PDE1A: variants seen among roughly 807,000 people sequenced by gnomAD.
The protein encoded by PDE1A is dual specificity calcium/calmodulin-dependent 3',5'-cyclic nucleotide phosphodiesterase 1A.
PDE1A carries 35 observed loss-of-function variants against 61.7 expected under a neutral mutation model. That is an observed-to-expected ratio of 0.57 (90% confidence interval 0.43 to 0.75). The LOEUF is 0.75. Ranked by LOEUF, PDE1A falls within the 30% of genes least tolerant of loss-of-function variation. The pLI is 0.00. For missense variants in PDE1A, 597 were observed against 630.6 expected (o/e 0.95, Z 0.57); for synonymous variants, 232 against 213.2 (o/e 1.09, Z -0.77).
chr2:182,607,732 T>C, the PDE1A span, among the ~76,000 whole-genome samples: 4 of 152,230 alleles, frequency 2.6e-5, no homozygotes, highest in African/African-American at 9.6e-5. Context: ...AGGTTCATAT[T>C]ACAGGATGAG....
intron 2 of PDE1A, among the ~76,000 whole-genome samples, chr2:182,490,354 G>T (rs993693685): frequency 1.3e-5 from 2 of 152,112 alleles, no homozygotes; most frequent in East Asian, 3.9e-4. Context: ...TAGGTTAAAA[G>T]ATTTTAATTT....
chr2:182,356,722 A>G (rs1294985345), intron 1 of PDE1A, among the ~76,000 whole-genome samples: 1 of 152,188 alleles, frequency 6.6e-6, no homozygotes, highest in Non-Finnish European at 1.5e-5. Context: ...CGATAGAGTG[A>G]GACTGCCTCA....
intron 1 of PDE1A, among the ~76,000 whole-genome samples, chr2:182,307,468 T>C (rs1304037714): frequency 6.6e-6 from 1 of 152,148 alleles, no homozygotes; most frequent in Non-Finnish European, 1.5e-5. Context: ...CCTTGACCGA[T>C]CCCAGCCTCT....
chr2:182,715,942 C>G, the PDE1A span: 1 of 152,220 alleles, frequency 6.6e-6, no homozygotes, highest in Non-Finnish European at 1.5e-5. Flanking sequence ...GAACTCAACC[C>G]CAAAACCCAC....
chr2:182,297,754 C>T (rs1439941942), intron 1 of PDE1A, among the ~76,000 whole-genome samples: 1 of 152,214 alleles, frequency 6.6e-6, no homozygotes, highest in Non-Finnish European at 1.5e-5. Context: ...TCTGCCTATG[C>T]ATGTGCCTAT....
At chr2:182,563,948 C>G in the PDE1A span, among the ~76,000 whole-genome samples, 1 of 152,102 alleles carries the variant, frequency 6.6e-6, no homozygotes, top group African/African-American at 2.4e-5. Flanking sequence ...CTGTGTGTGT[C>G]TCTGCACGTG....
chr2:182,428,435 A>G (rs1434178362), upstream of PDE1A, among the ~76,000 whole-genome samples: 1 of 152,112 alleles, frequency 6.6e-6, no homozygotes, highest in Non-Finnish European at 1.5e-5. Flanking sequence ...GCTATAAATA[A>G]AAAGATGATT....
intron 13 of PDE1A, among the ~76,000 whole-genome samples, chr2:182,184,477 CA>C (rs1489197679): frequency 6.6e-6 from 1 of 151,994 alleles, no homozygotes; most frequent in African/African-American, 2.4e-5. Context: ...AATTCTAAAT[CA>C]AGTAAAATTA....
chr2:182,684,660 C>T, the PDE1A span, among the ~76,000 whole-genome samples: 2 of 152,274 alleles, frequency 1.3e-5, no homozygotes, highest in Admixed American at 1.3e-4. Flanking sequence ...AAGTGATTCT[C>T]TTGCCTCAGC....
upstream of PDE1A, among the ~76,000 whole-genome samples, chr2:182,523,432 C>G (rs989491332): frequency 6.6e-6 from 1 of 152,064 alleles, no homozygotes; most frequent in Non-Finnish European, 1.5e-5. Flanking sequence ...TAACACATGG[C>G]GAGCTTTCTT....
At chr2:182,489,272 T>C (rs1325577510) in intron 2 of PDE1A, among the ~76,000 whole-genome samples, 2 of 151,832 alleles carry the variant, frequency 1.3e-5, no homozygotes, top group African/African-American at 4.8e-5. Context: ...AGCCAGTGTG[T>C]GAGAAAAGAA....
the PDE1A span, among the ~76,000 whole-genome samples, chr2:182,649,270 G>C: frequency 6.6e-6 from 1 of 152,170 alleles, no homozygotes; most frequent in Non-Finnish European, 1.5e-5. Flanking sequence ...TGCAACATAA[G>C]TTATTAGCAC....
chr2:182,661,563 T>A, the PDE1A span, among the ~76,000 whole-genome samples: 71,987 of 151,896 alleles, frequency 0.47, 17,594 homozygotes, highest in South Asian at 0.53. Flanking sequence ...CTAGAGGTTG[T>A]CCTAACCATG....
At chr2:182,681,947 A>G in the PDE1A span, among the ~76,000 whole-genome samples, 1 of 151,914 alleles carries the variant, frequency 6.6e-6, no homozygotes, top group Non-Finnish European at 1.5e-5. Flanking sequence ...TGCCCGGCCT[A>G]CTCTTTCTCT....
At chr2:182,601,574 G>C in the PDE1A span, among the ~76,000 whole-genome samples, 1 of 151,998 alleles carries the variant, frequency 6.6e-6, no homozygotes, top group South Asian at 2.1e-4. Flanking sequence ...GGAAGAATGA[G>C]GCACACAGAC....
chr2:182,696,584 A>G, the PDE1A span, among the ~76,000 whole-genome samples: 1 of 152,196 alleles, frequency 6.6e-6, no homozygotes, highest in East Asian at 1.9e-4. Flanking sequence ...AAATCTATAG[A>G]ATGTACAACA....
intron 1 of PDE1A, among the ~76,000 whole-genome samples, chr2:182,350,233 T>G (rs912771297): frequency 1.3e-5 from 2 of 152,214 alleles, no homozygotes; most frequent in Non-Finnish European, 2.9e-5. Flanking sequence ...TAATGTATCT[T>G]GTTGTTTGTG....
intron 1 of PDE1A, among the ~76,000 whole-genome samples, chr2:182,273,313 A>C (rs1195637187): frequency 9.9e-5 from 15 of 152,074 alleles, no homozygotes. Flanking sequence ...CAAATTTAAA[A>C]GCCTGAAAAA....
At chr2:182,171,231 C>G (rs1196062) in intron 13 of PDE1A, among the ~76,000 whole-genome samples, 113,540 of 151,862 alleles carry the variant, frequency 0.75, 42,687 homozygotes, top group East Asian at 0.91. Flanking sequence ...CAGTGATTAA[C>G]ATTTTGAAAA....
Sources: gnomAD v4.1 joint callset for allele counts (sites outside exome capture counted in the v4.1 genomes callset) on GRCh38, gnomAD v4.1.1 for gene constraint, MANE v1.5 for transcripts, NCBI Gene and HGNC (gene_info 2026-07-23, HGNC 2026-07-21) for gene names.